Variants in HERPUD2 observed in about 807,000 individuals in gnomAD.
The protein encoded by HERPUD2 is homocysteine-responsive endoplasmic reticulum-resident ubiquitin-like domain member 2 protein.
HERPUD2 carries 13 observed loss-of-function variants against 49.9 expected under a neutral mutation model. The observed-to-expected ratio is 0.26, with a 90% CI of 0.17 to 0.41. HERPUD2 has a LOEUF of 0.41. HERPUD2 is among the 10% of genes least tolerant of loss of function. The probability of loss-of-function intolerance (pLI) is 1.00; values close to 1 mark genes in which losing one functional copy is unlikely to be tolerated. For missense variants in HERPUD2, 449 were observed against 492.2 expected (o/e 0.91, Z 0.83); for synonymous variants, 172 against 171.4 (o/e 1.00, Z -0.03).
intron 5 of HERPUD2, 110 bp downstream of exon 5, chr7:35,667,324 T>A (rs1785557129): frequency 1.0e-6 from 1 of 1,001,464 alleles, no homozygotes; most frequent in Non-Finnish European, 1.5e-6. Context: ...AATATATGAA[T>A]AAATTTAAAA....
intron 5 of HERPUD2, among the ~76,000 whole-genome samples, chr7:35,646,558 T>A (rs954737145): frequency 1.3e-5 from 2 of 152,160 alleles, no homozygotes; most frequent in Admixed American, 1.3e-4. Context: ...TGAGACTCCA[T>A]CTATTTAAAA....
chr7:35,654,451 T>A (rs560110003), intron 5 of HERPUD2, among the ~76,000 whole-genome samples: 107 of 152,008 alleles, frequency 7.0e-4, no homozygotes, highest in Non-Finnish European at 1.3e-4. Context: ...AACCAAGCTA[T>A]TATGAACAAC....
intron 2 of HERPUD2, among the ~76,000 whole-genome samples, chr7:35,674,379 CTATATATA>C (rs1232272764): frequency 1.2e-4 from 5 of 42,972 alleles, no homozygotes; most frequent in South Asian, 1.5e-3. Context: ...GTCTTACAAC[CTATATATA>C]TATATATATA....
At chr7:35,641,253 T>A (rs1784963375) in intron 5 of HERPUD2, among the ~76,000 whole-genome samples, 1 of 152,192 alleles carries the variant, frequency 6.6e-6, no homozygotes, top group African/African-American at 2.4e-5. Flanking sequence ...ACCTAACTCT[T>A]TGATTGCTAG....
At position 35,694,364 on chromosome 7, in the gene HERPUD2, C is replaced by A. The variant is rs1786267127; in HGVS notation, c.-34G>T. ...CAAAGTCAGACAGAGTCCAGAGGAG[C>A]GGCAGTTAAGCCCAAAAGAGCCGAG... On this transcript the variant is annotated 5_prime_UTR_variant, in exon 2 of 9. Transcript: ENST00000311350. The A allele has an allele frequency of 1.2e-6, 2 of 1,613,324 alleles. No individual in the cohort carries two copies. The highest frequency in any genetic ancestry group is 1.7e-6 in the Non-Finnish European group (2 of 1,179,480).
Position 35,634,430 on chromosome 7 carries a change from C to T in HERPUD2, c.942-1G>A. The T allele has an allele frequency of 6.3e-7, 1 of 1,582,118 alleles. No homozygotes were observed. Among genetic ancestry groups the T allele is most frequent in the Non-Finnish European group, 8.7e-7 (1 of 1,151,402 alleles). On this transcript the variant is annotated splice_acceptor_variant, in intron 7 of 8. Coordinates refer to ENST00000311350, the MANE Select transcript of HERPUD2 (RefSeq NM_022373.5). LOFTEE classifies it high-confidence loss of function. ...AAAAGGAAACCATCCAGCTTGGTGT[C>T]TGTTCAGTAAAATAAAGAGAAAATA...
intron 5 of HERPUD2, among the ~76,000 whole-genome samples, chr7:35,647,558 C>T (rs894043360): frequency 2.0e-5 from 3 of 151,674 alleles, no homozygotes; most frequent in African/African-American, 4.9e-5. Context: ...TAAAATCTGA[C>T]GGGTAGATCT....
intron 2 of HERPUD2, among the ~76,000 whole-genome samples, chr7:35,686,822 TGG>T (rs1786068630): frequency 3.9e-4 from 1 of 2,534 alleles, no homozygotes; most frequent in African/African-American, 3.4e-3. Flanking sequence ...GGGGGGGGGG[TGG>T]GGGGGTGGGG....
rs1785109858 is a variant in HERPUD2, at chr7:35,649,052, C to A, written c.495-10580G>T. ...AGATCACAAGGTCAGGAGATCAAGA[C>A]CATCCTGACTAACATGGTGAAACCC... is the stretch of plus-strand genomic sequence containing the variant. On this transcript the variant is annotated intron_variant, in intron 5 of 8. Coordinates refer to ENST00000311350, the MANE Select transcript of HERPUD2 (RefSeq NM_022373.5). Among the ~76,000 whole-genome samples the A allele has an allele frequency of 2.0e-5, 3 of 152,098 alleles. 1 individual carries two copies. In the South Asian group the frequency reaches 6.2e-4, roughly 31 times the overall value.
At chr7:35,689,004 C>A (rs1243902487) in intron 2 of HERPUD2, among the ~76,000 whole-genome samples, 1 of 152,116 alleles carries the variant, frequency 6.6e-6, no homozygotes, top group Non-Finnish European at 1.5e-5. Context: ...GCCTGGTACA[C>A]ATGGCAAACA....
intron 5 of HERPUD2, among the ~76,000 whole-genome samples, chr7:35,665,020 G>A (rs191093903): frequency 3.7e-4 from 57 of 152,262 alleles, no homozygotes; most frequent in Admixed American, 1.2e-3. Flanking sequence ...AGTGCCAGTC[G>A]CCCCCCTACT....
intron 2 of HERPUD2, among the ~76,000 whole-genome samples, chr7:35,681,025 T>C (rs1785877998): frequency 6.6e-6 from 1 of 152,194 alleles, no homozygotes; most frequent in Admixed American, 6.5e-5. Context: ...ATTTTACATG[T>C]AATCGTGAAA....
At chr7:35,664,709 C>CT (rs1484562652) in intron 5 of HERPUD2, among the ~76,000 whole-genome samples, 9 of 152,286 alleles carry the variant, frequency 5.9e-5, no homozygotes, top group African/African-American at 2.2e-4. Flanking sequence ...GCATGCATCA[C>CT]GTAGTTCTTG....
At chr7:35,675,709 G>T (rs1461425356) in intron 2 of HERPUD2, among the ~76,000 whole-genome samples, 3 of 152,012 alleles carry the variant, frequency 2.0e-5, no homozygotes, top group Non-Finnish European at 4.4e-5. Context: ...TGCTATTCTT[G>T]TCTCATCCAT....
Position 35,633,605 on chromosome 7 carries a change from G to T in HERPUD2, c.*85C>A. 1 of 1,221,482 alleles carries T rather than the reference G, an allele frequency of 8.2e-7. No homozygotes were observed. Among genetic ancestry groups the T allele is most frequent in the Non-Finnish European group, 1.1e-6 (1 of 873,448 alleles). The allele number at this position is 1,221,482 out of a possible 1,614,324, so 75.7% of individuals were successfully genotyped here. A position where few individuals can be genotyped will look rare whatever the true frequency, so the allele number is the denominator to read the frequency against. On this transcript the variant is annotated 3_prime_UTR_variant, in exon 9 of 9. Transcript: ENST00000311350. ...CTCTGTACATGATGATCAAAAGAAA[G>T]TTATAAATTTTTTTGAAATTGCACT...
intron 2 of HERPUD2, among the ~76,000 whole-genome samples, 174 bp from the exon 3 acceptor site, chr7:35,673,452 T>G (rs1267208138): frequency 6.6e-6 from 1 of 152,132 alleles, no homozygotes; most frequent in Non-Finnish European, 1.5e-5. Flanking sequence ...AAAAAAACAT[T>G]TAAGAGTTCA....
intron 2 of HERPUD2, among the ~76,000 whole-genome samples, chr7:35,674,413 AGAGAGAGAGAGAG>A (rs1369483160): frequency 4.9e-5 from 1 of 20,616 alleles, no homozygotes; most frequent in Non-Finnish European, 8.4e-5. Flanking sequence ...ATAGAGAGAG[AGAGAGAGAGAGAG>A]AGAGAGAGAG....
At chr7:35,669,330 C>T (rs1051145435) in intron 4 of HERPUD2, among the ~76,000 whole-genome samples, 1 of 152,158 alleles carries the variant, frequency 6.6e-6, no homozygotes. Context: ...AAGCTAGTTT[C>T]TTAAAGAAGC....
Position 35,694,208 on chromosome 7 carries a change from T to C in HERPUD2, c.123A>G (p.Leu41=), listed in dbSNP as rs1452695087. The C allele has an allele frequency of 3.1e-6, 5 of 1,613,948 alleles. No homozygotes were observed. Among genetic ancestry groups the C allele is most frequent in the African/African-American group, 2.7e-5 (2 of 74,888 alleles). ...CTGGTTTGCTAGGGTAAACGTTAGA[T>C]AGATGCGTTTTTAGTTTCCCCACGG... is the stretch of plus-strand genomic sequence containing the variant. The part of the protein sequence containing the change: ...NWTVGKLKTH[L]SNVYPSKPLT... Residue 41 remains leucine, a synonymous_variant, in exon 2 of 9, where the codon CTA becomes CTG. Coordinates refer to ENST00000311350, the MANE Select transcript of HERPUD2 (RefSeq NM_022373.5).
Sources: allele counts gnomAD v4.1 joint callset (sites outside exome capture counted in the v4.1 genomes callset), GRCh38; gene constraint gnomAD v4.1.1; transcripts MANE v1.5; gene names NCBI Gene and HGNC (gene_info 2026-07-23, HGNC 2026-07-21).